Variants in TBXAS1 observed in about 807,000 individuals in gnomAD.
TBXAS1 encodes the protein thromboxane-A synthase.
Under a neutral mutation model 60.7 loss-of-function variants are expected in TBXAS1, and 48 were observed. The observed-to-expected ratio is 0.79, with a 90% CI of 0.63 to 1.01. The LOEUF is 1.01. Ranked by LOEUF, TBXAS1 falls within the 50% of genes least tolerant of loss-of-function variation. TBXAS1 has a pLI of 0.00. For synonymous variants in TBXAS1, 287 were observed against 269.7 expected (o/e 1.06, Z -0.63); for missense variants, 685 against 686.3 (o/e 1.00, Z 0.02).
At chr7:139,829,869 A>G (rs957367403) in intron 1 of TBXAS1, among the ~76,000 whole-genome samples, 2 of 152,220 alleles carry the variant, frequency 1.3e-5, no homozygotes, top group Non-Finnish European at 1.5e-5. Context: ...CTCTTGGTTC[A>G]TATTACATTC....
intron 4 of TBXAS1, among the ~76,000 whole-genome samples, chr7:139,819,800 G>A (rs547841695): frequency 2.0e-5 from 3 of 152,136 alleles, no homozygotes; most frequent in East Asian, 3.9e-4. Context: ...ACCACTCTCA[G>A]CCTCCCCAAC....
chr7:139,915,083 A>G (rs1805865772), intron 4 of TBXAS1, among the ~76,000 whole-genome samples: 1 of 152,220 alleles, frequency 6.6e-6, no homozygotes, highest in Non-Finnish European at 1.5e-5. Context: ...ATAGTTTTCC[A>G]TCTGGGAATG....
rs1480553973 is a variant in TBXAS1 at position 139,911,205 on chromosome 7, G to T, written c.237-20G>T. On this transcript the variant is annotated intron_variant, in intron 3 of 12. Transcript: ENST00000448866. ...AATGGGTAATGCAACACATTTTAAT[G>T]CATTTTTTATTCCTCCCAGGTACTA... 1.9e-6 allele frequency: 3 copies of T among 1,608,014 alleles called. No individual in the cohort carries two copies. The South Asian group carries it at 3.3e-5, about 18-fold the overall frequency.
intron 9 of TBXAS1, 140 bp downstream of exon 9, chr7:139,962,373 C>T: frequency 9.6e-7 from 1 of 1,039,516 alleles, no homozygotes; most frequent in Non-Finnish European, 1.4e-6. Context: ...CATTGCTTGG[C>T]TTCTCCTGCT....
intron 4 of TBXAS1, among the ~76,000 whole-genome samples, chr7:139,933,483 A>G (rs1448925568): frequency 2.6e-5 from 4 of 152,130 alleles, no homozygotes; most frequent in Non-Finnish European, 5.9e-5. Context: ...TGGAACCTAA[A>G]CAAATGGATT....
At chr7:139,801,388 T>C (rs1249554154) in intron 4 of TBXAS1, among the ~76,000 whole-genome samples, 2 of 152,222 alleles carry the variant, frequency 1.3e-5, no homozygotes, top group African/African-American at 2.4e-5. Context: ...TGTTCTTTTT[T>C]TCTCTCTCCT....
intron 4 of TBXAS1, among the ~76,000 whole-genome samples, chr7:139,798,215 C>A (rs552262481): frequency 6.6e-6 from 1 of 151,772 alleles, no homozygotes; most frequent in South Asian, 2.1e-4. Flanking sequence ...GAGGGAGACA[C>A]GCCAGCCAGA....
chr7:139,845,109 C>T, intron 1 of TBXAS1, among the ~76,000 whole-genome samples: 1 of 152,160 alleles, frequency 6.6e-6, no homozygotes, highest in Non-Finnish European at 1.5e-5. Context: ...GCTTCTGCTG[C>T]AGTTGAGGAC....
intron 3 of TBXAS1, among the ~76,000 whole-genome samples, chr7:139,894,471 C>T (rs979033481): frequency 1.3e-5 from 2 of 152,106 alleles, no homozygotes; most frequent in Non-Finnish European, 2.9e-5. Context: ...ACCCAGGGAC[C>T]AACCAAGCAT....
chr7:139,817,319 A>C (rs1382440230), intron 4 of TBXAS1, among the ~76,000 whole-genome samples: 1 of 151,572 alleles, frequency 6.6e-6, no homozygotes, highest in African/African-American at 2.4e-5. Flanking sequence ...CCACCTGTAC[A>C]TGCATGCACA....
intron 4 of TBXAS1, among the ~76,000 whole-genome samples, chr7:139,820,202 C>T (rs1208800083): frequency 6.6e-6 from 1 of 152,128 alleles, no homozygotes; most frequent in Non-Finnish European, 1.5e-5. Flanking sequence ...TGACTCTCCA[C>T]TTTTGCAAGG....
intron 1 of TBXAS1, among the ~76,000 whole-genome samples, chr7:139,855,325 A>T (rs555502673): frequency 6.6e-6 from 1 of 152,330 alleles, no homozygotes; most frequent in Admixed American, 6.5e-5. Context: ...AGACCAACAC[A>T]GCAATGTGTT....
intron 9 of TBXAS1, among the ~76,000 whole-genome samples, chr7:139,992,237 A>G (rs1312942923): frequency 6.6e-6 from 1 of 152,238 alleles, no homozygotes; most frequent in Non-Finnish European, 1.5e-5. Context: ...TTGAGCAATC[A>G]TGAAAACTCC....
At chr7:139,811,569 T>C (rs1404280545) in intron 4 of TBXAS1, among the ~76,000 whole-genome samples, 2 of 152,088 alleles carry the variant, frequency 1.3e-5, no homozygotes, top group Non-Finnish European at 2.9e-5. Context: ...AGTTAACTTC[T>C]GGAAGGAAAG....
At chr7:139,915,297 A>T (rs1040204992) in intron 4 of TBXAS1, among the ~76,000 whole-genome samples, 6 of 152,246 alleles carry the variant, frequency 3.9e-5, no homozygotes, top group African/African-American at 1.2e-4. Flanking sequence ...CAAGGAGATT[A>T]GTGAGACGTG....
intron 1 of TBXAS1, among the ~76,000 whole-genome samples, chr7:139,855,232 T>C (rs1800500174): frequency 6.6e-6 from 1 of 152,130 alleles, no homozygotes; most frequent in Non-Finnish European, 1.5e-5. Context: ...ATTATCTAGG[T>C]TCAGGTATTG....
At chr7:139,882,917 T>G (rs1234273424) in intron 3 of TBXAS1, among the ~76,000 whole-genome samples, 1 of 152,220 alleles carries the variant, frequency 6.6e-6, no homozygotes, top group African/African-American at 2.4e-5. Flanking sequence ...CTGGTCAAAA[T>G]AGCTTAATCA....
chr7:139,876,675 T>C (rs936736717), intron 3 of TBXAS1, among the ~76,000 whole-genome samples: 5 of 152,190 alleles, frequency 3.3e-5, no homozygotes, highest in African/African-American at 1.2e-4. Context: ...TTTGGTCAAG[T>C]TCTTCTACCT....
At chr7:139,917,259 C>T (rs1299645363) in intron 4 of TBXAS1, among the ~76,000 whole-genome samples, 1 of 152,164 alleles carries the variant, frequency 6.6e-6, no homozygotes, top group African/African-American at 2.4e-5. Flanking sequence ...CTGCCCCCGT[C>T]TCTATTTTGA....
Sources: gnomAD v4.1 joint callset for allele counts (sites outside exome capture counted in the v4.1 genomes callset) on GRCh38, gnomAD v4.1.1 for gene constraint, MANE v1.5 for transcripts, NCBI Gene and HGNC (gene_info 2026-07-23, HGNC 2026-07-21) for gene names.